The following PLXDC2 variants were observed in gnomAD, a reference collection of about 807,000 sequenced individuals.
PLXDC2 encodes the protein plexin domain-containing protein 2.
Under a neutral mutation model 68.9 loss-of-function variants are expected in PLXDC2, and 40 were observed. That is an observed-to-expected ratio of 0.58 (90% CI 0.45 to 0.76). PLXDC2 has a LOEUF of 0.76. PLXDC2 is among the 30% of genes least tolerant of loss of function. PLXDC2 has a pLI of 0.00. For missense variants in PLXDC2, 644 were observed against 661.9 expected (o/e 0.97, Z 0.30); for synonymous variants, 243 against 234.2 (o/e 1.04, Z -0.34).
At chr10:20,021,658 C>T (rs1435222557) in intron 2 of PLXDC2, among the ~76,000 whole-genome samples, 3 of 138,876 alleles carry the variant, frequency 2.2e-5, no homozygotes, top group Non-Finnish European at 5.0e-5. Flanking sequence ...GATCTTTCTC[C>T]TCCAGTCACA....
intron 1 of PLXDC2, among the ~76,000 whole-genome samples, chr10:19,851,568 CAG>C (rs774001877): frequency 2.0e-5 from 3 of 152,082 alleles, no homozygotes; most frequent in Non-Finnish European, 2.9e-5. Context: ...GTTTTTGAGA[CAG>C]AGTCTCGCTC....
At chr10:20,082,143 G>A (rs1263089768) in intron 4 of PLXDC2, among the ~76,000 whole-genome samples, 1 of 147,070 alleles carries the variant, frequency 6.8e-6, no homozygotes, top group Non-Finnish European at 1.5e-5. Context: ...TAAATATAAT[G>A]TCATATTGTG....
chr10:20,032,172 C>A (rs187235224), intron 2 of PLXDC2, among the ~76,000 whole-genome samples: 1 of 151,926 alleles, frequency 6.6e-6, no homozygotes, highest in Non-Finnish European at 1.5e-5. Flanking sequence ...AAAAAAGATC[C>A]GATGATGAAC....
intron 9 of PLXDC2, among the ~76,000 whole-genome samples, chr10:20,206,341 G>C (rs1216106803): frequency 6.6e-6 from 1 of 152,076 alleles, no homozygotes; most frequent in Non-Finnish European, 1.5e-5. Flanking sequence ...GTATAATAGT[G>C]GACATTTGCA....
intron 1 of PLXDC2, among the ~76,000 whole-genome samples, chr10:19,859,004 T>C (rs772668101): frequency 1.3e-5 from 2 of 148,636 alleles, no homozygotes; most frequent in Non-Finnish European, 3.0e-5. Flanking sequence ...AGGGAACCCA[T>C]GATGAGAAAA....
intron 4 of PLXDC2, among the ~76,000 whole-genome samples, chr10:20,105,927 T>G: frequency 6.6e-6 from 1 of 152,234 alleles, no homozygotes; most frequent in Non-Finnish European, 1.5e-5. Context: ...AATAAAGCCT[T>G]GAAAAATATG....
intron 1 of PLXDC2, among the ~76,000 whole-genome samples, chr10:19,960,111 G>T (rs182930320): frequency 6.7e-6 from 1 of 149,934 alleles, no homozygotes; most frequent in Non-Finnish European, 1.5e-5. Context: ...ACATCTCAGT[G>T]CTTTGGGGGG....
intron 6 of PLXDC2, among the ~76,000 whole-genome samples, chr10:20,159,880 T>C (rs1019901520): frequency 6.6e-6 from 1 of 152,152 alleles, no homozygotes; most frequent in African/African-American, 2.4e-5. Flanking sequence ...AAAATCACCT[T>C]CTCAGAGAGA....
chr10:20,180,808 A>G (rs1834593387), intron 9 of PLXDC2, among the ~76,000 whole-genome samples: 1 of 152,072 alleles, frequency 6.6e-6, no homozygotes, highest in Admixed American at 6.6e-5. Context: ...CCATGATCTC[A>G]AGTGCTTACT....
chr10:20,178,565 A>G (rs954189136), intron 9 of PLXDC2, among the ~76,000 whole-genome samples: 8 of 152,120 alleles, frequency 5.3e-5, no homozygotes, highest in African/African-American at 1.7e-4. Flanking sequence ...TAATCCGTGT[A>G]TGTTACACCC....
chr10:20,201,892 A>G (rs1834925168), intron 9 of PLXDC2, among the ~76,000 whole-genome samples: 1 of 152,152 alleles, frequency 6.6e-6, no homozygotes. Context: ...GTAAATATGC[A>G]TTAAATAAAG....
intron 1 of PLXDC2, among the ~76,000 whole-genome samples, chr10:19,825,586 A>C (rs1398970229): frequency 6.6e-6 from 1 of 152,194 alleles, no homozygotes; most frequent in Non-Finnish European, 1.5e-5. Flanking sequence ...TTACAGTAGT[A>C]ACTCCTACCA....
At chr10:19,817,878 G>C (rs1478923497) in intron 1 of PLXDC2, among the ~76,000 whole-genome samples, 1 of 152,186 alleles carries the variant, frequency 6.6e-6, no homozygotes, top group Non-Finnish European at 1.5e-5. Context: ...TCCTTGGAGT[G>C]CCCTGATTTT....
chr10:20,269,957 G>A (rs1564372168), intron 13 of PLXDC2, among the ~76,000 whole-genome samples: 1 of 152,186 alleles, frequency 6.6e-6, no homozygotes, highest in East Asian at 1.9e-4. Flanking sequence ...GGTGGAGGTT[G>A]CAGTGAGCTG....
At chr10:19,892,921 C>CT (rs61406547) in intron 1 of PLXDC2, among the ~76,000 whole-genome samples, 11,974 of 130,474 alleles carry the variant, frequency 0.092, 596 homozygotes, top group Non-Finnish European at 0.13. Flanking sequence ...TTGAAATGGT[C>CT]TTTTTTTTTT....
chr10:19,833,976 T>C (rs1458402149), intron 1 of PLXDC2, among the ~76,000 whole-genome samples: 2 of 150,586 alleles, frequency 1.3e-5, no homozygotes, highest in African/African-American at 4.9e-5. Flanking sequence ...CAGAACTGTA[T>C]GGAGGCCTTT....
intron 3 of PLXDC2, among the ~76,000 whole-genome samples, chr10:20,059,183 C>A (rs1309683430): frequency 1.3e-5 from 2 of 152,180 alleles, no homozygotes; most frequent in African/African-American, 4.8e-5. Flanking sequence ...AATCTAGAAG[C>A]AATTTCTTCT....
intron 13 of PLXDC2, among the ~76,000 whole-genome samples, chr10:20,271,283 C>A (rs564785561): frequency 6.6e-6 from 1 of 152,230 alleles, no homozygotes; most frequent in South Asian, 2.1e-4. Flanking sequence ...AAGATGTTGA[C>A]AGCTAAGTCA....
chr10:20,021,198 TTG>T (rs1379907903), intron 2 of PLXDC2, among the ~76,000 whole-genome samples: 1 of 97,110 alleles, frequency 1.0e-5, no homozygotes, highest in Non-Finnish European at 2.2e-5. Context: ...CCTGTTTTTT[TTG>T]TTTGTTTGTT....
Sources: allele counts gnomAD v4.1 joint callset (sites outside exome capture counted in the v4.1 genomes callset), GRCh38; gene constraint gnomAD v4.1.1; transcripts MANE v1.5; gene names NCBI Gene and HGNC (gene_info 2026-07-23, HGNC 2026-07-21).